The following GINS3 variants were observed in gnomAD, a reference collection of about 807,000 sequenced individuals.
GINS3 encodes DNA replication complex GINS protein PSF3.
GINS3 carries 18 observed loss-of-function variants against 20.0 expected under a neutral mutation model. That is an observed-to-expected ratio of 0.90 (90% confidence interval 0.62 to 1.33). The LOEUF (loss-of-function observed/expected upper bound fraction) is 1.33, where lower values mean the gene tolerates loss of function less well. GINS3 is among the 40% of genes most tolerant of loss of function. The pLI is 0.00. For synonymous variants in GINS3, 109 were observed against 107.0 expected (o/e 1.02, Z -0.12); for missense variants, 254 against 273.6 (o/e 0.93, Z 0.51).
At chr16:58,393,198 G>A (rs1021701884) in intron 1 of GINS3, among the ~76,000 whole-genome samples, 2 of 152,206 alleles carry the variant, frequency 1.3e-5, no homozygotes, top group Admixed American at 1.3e-4. Flanking sequence ...CATGTGATAA[G>A]TAGGAACCCC....
intron 1 of GINS3, among the ~76,000 whole-genome samples, chr16:58,399,897 A>AT (rs1242632342): frequency 6.6e-6 from 1 of 152,132 alleles, no homozygotes; most frequent in African/African-American, 2.4e-5. Flanking sequence ...ACTTAAACCC[A>AT]TTTTTTCTCT....
chr16:58,393,842 A>T lies in GINS3; in HGVS notation c.186+1055A>T, dbSNP rs1051371807. ...AGACTCCATCTCAAAAAAAAAAAAA[A>T]AAAAAGTCAAATAGTACCAAAAGAT... On this transcript the variant is annotated intron_variant, in intron 1 of 2. Coordinates refer to ENST00000318129, the MANE Select transcript of GINS3 (RefSeq NM_022770.4). Among the ~76,000 whole-genome samples, 215 of 152,122 alleles carry T rather than the reference A, an allele frequency of 1.4e-3. 1 individual carries two copies. The highest frequency in any genetic ancestry group is 4.9e-3 in the African/African-American group (205 of 41,524).
rs1160527053 is a variant in GINS3 at position 58,405,018 on chromosome 16, A to AT, written c.*290dup. On this transcript the variant is annotated 3_prime_UTR_variant, in exon 3 of 3. Transcript: ENST00000318129. ...CTTCCTAAATAAGAATCACTGCCAT[A>AT]TAATATATCACAGTAGAGTTGCAAC... The AT allele has an allele frequency of 8.0e-6, 3 of 373,780 alleles. No individual in the cohort carries two copies. The highest frequency in any genetic ancestry group is 6.1e-5 in the African/African-American group (3 of 49,030). 23.2% of individuals were successfully genotyped at this position (373,780 alleles called of 1,614,324 possible). A position where few individuals can be genotyped will look rare whatever the true frequency, so the allele number is the denominator to read the frequency against.
At position 58,403,226 on chromosome 16, in the gene GINS3, T is replaced by A. The variant is rs1567537484; in HGVS notation, c.315T>A (p.Asn105Lys). The change falls in exon 2 of 3, where the codon AAT becomes AAA. Residue 105 changes from asparagine (N) to lysine (K), a missense_variant. Asn to Lys is a moderately conservative substitution (Grantham distance 94, BLOSUM62 0). Transcript: ENST00000318129. ...GGACTGTGTTCAGTGCAGATCCCAA[T>A]GTGGTGGACCTCCACAAAATGGGGC... ...GWRTVFSADPNVVDLHKMGPH... is the reference protein window; with the variant it reads ...GWRTVFSADPKVVDLHKMGPH... 8 of 1,614,160 alleles carry A rather than the reference T, an allele frequency of 5.0e-6. No homozygotes were observed. The highest frequency in any genetic ancestry group is 6.8e-6 in the Non-Finnish European group (8 of 1,180,036).
At chr16:58,394,402 A>G (rs1166015330) in intron 1 of GINS3, among the ~76,000 whole-genome samples, 2 of 152,214 alleles carry the variant, frequency 1.3e-5, no homozygotes, top group East Asian at 3.9e-4. Flanking sequence ...GCCAGAGTGC[A>G]GTGGCATAAT....
chr16:58,393,237 A>G (rs915679568), intron 1 of GINS3, among the ~76,000 whole-genome samples: 1 of 152,182 alleles, frequency 6.6e-6, no homozygotes, highest in Non-Finnish European at 1.5e-5. Flanking sequence ...CTCCATAATG[A>G]TGACAGGATC....
intron 1 of GINS3, among the ~76,000 whole-genome samples, chr16:58,397,761 A>C (rs1965900876): frequency 6.6e-6 from 1 of 152,184 alleles, no homozygotes; most frequent in Non-Finnish European, 1.5e-5. Context: ...GCAGCAGTAC[A>C]GTCCAGCTTC....
rs1235998471 is a variant in GINS3 at position 58,395,335 on chromosome 16, ATAT to A, written c.186+2550_186+2552del. 104 of 150,832 alleles carry A rather than the reference ATAT, an allele frequency of 6.9e-4. 1 individual carries two copies. The highest frequency in any genetic ancestry group is 9.4e-4 in the Non-Finnish European group (78 of 83,108). The allele number at this position is 150,832 out of a possible 1,614,324, so 9.3% of individuals were successfully genotyped here. ...CTGTAATATTTGTATATATATATAT[ATAT>A]TTTTTTTTTAATTGATCATTCTTGG... On this transcript the variant is annotated intron_variant, in intron 1 of 2. Coordinates refer to ENST00000318129, the MANE Select transcript of GINS3 (RefSeq NM_022770.4).
At chr16:58,396,577 A>C (rs1166584696) in intron 1 of GINS3, among the ~76,000 whole-genome samples, 31 of 23,860 alleles carry the variant, frequency 1.3e-3, no homozygotes, top group Admixed American at 3.2e-3. Flanking sequence ...GATCCCCCCC[A>C]CCTCCCTCCC....
chr16:58,396,559 C>G lies in GINS3; in HGVS notation c.186+3772C>G, dbSNP rs1187255029. Among the ~76,000 whole-genome samples, 5 of 30,076 alleles carry G rather than the reference C, an allele frequency of 1.7e-4. 1 individual carries two copies. The highest frequency in any genetic ancestry group is 9.5e-4 in the African/African-American group (5 of 5,270). The allele number at this position is 30,076 out of a possible 152,430, so 19.7% of individuals were successfully genotyped here. ...CTCCCGGACGGGGCGGCTGGTCGGG[C>G]GGGGGCTGATCCCCCCCACCTCCCT... On this transcript the variant is annotated intron_variant, in intron 1 of 2. Transcript: ENST00000318129.
chr16:58,394,934 T>C (rs996348791), intron 1 of GINS3, among the ~76,000 whole-genome samples: 2 of 152,224 alleles, frequency 1.3e-5, no homozygotes, highest in Non-Finnish European at 2.9e-5. Context: ...ATTAAATCTT[T>C]AGAATCCTTC....
At position 58,403,291 on chromosome 16, in the gene GINS3, A is replaced by G. The variant is rs760310861; in HGVS notation, c.380A>G (p.Asp127Gly). Residue 127 changes from aspartate (D) to glycine (G), a missense_variant, in exon 2 of 3, where the codon GAC becomes GGC. Asp to Gly is a moderately conservative substitution (Grantham distance 94, BLOSUM62 -1). Transcript: ENST00000318129. ...TTTGGCTCCCAGCTCCTGCATTTTG[A>G]CAGTCCCGAGAATGCAGACATTTCC... ...YGFGSQLLHF[D>G]SPENADISQS... 1.9e-5 allele frequency: 31 copies of G among 1,613,968 alleles called. No homozygotes were observed. The East Asian group carries it at 6.0e-4, about 31-fold the overall frequency.
In GINS3 at chr16:58,404,501, T is replaced by C; in HGVS notation, c.423T>C (p.Thr141=). ...NADISQSLLQ[T]FIGRFRRIMD... ...TGTCTTACTCCCTTGTTTCCCAGAC[T>C]TTTATCGGACGTTTTCGCCGCATCA... Residue 141 remains threonine, a splice_region_variant and synonymous_variant, in exon 3 of 3, where the codon ACT becomes ACC. Transcript: ENST00000318129. The C allele has an allele frequency of 6.2e-7, 1 of 1,613,294 alleles. No homozygotes were observed.
intron 1 of GINS3, among the ~76,000 whole-genome samples, chr16:58,397,621 A>C (rs1479444594): frequency 6.6e-6 from 1 of 152,130 alleles, no homozygotes; most frequent in Admixed American, 6.5e-5. Context: ...CCCGGCCAAC[A>C]CAGCGAAACC....
rs550488461 is a variant in GINS3, at chr16:58,401,332, A to T, written c.187-1766A>T. Among the ~76,000 whole-genome samples, 8 of 152,098 alleles carry T rather than the reference A, an allele frequency of 5.3e-5. No individual in the cohort carries two copies. The South Asian group carries it at 1.7e-3, about 32-fold the overall frequency. On this transcript the variant is annotated intron_variant, in intron 1 of 2. Transcript: ENST00000318129. ...GTTACAGCTCATGAAGGTAGTGGGGATCCAAAGAGTGAGCAGCCATCAAGA... is the reference window on the plus strand; with the variant it reads ...GTTACAGCTCATGAAGGTAGTGGGGTTCCAAAGAGTGAGCAGCCATCAAGA...
At chr16:58,395,809 C>T (rs1306665629) in intron 1 of GINS3, among the ~76,000 whole-genome samples, 1 of 152,216 alleles carries the variant, frequency 6.6e-6, no homozygotes, top group African/African-American at 2.4e-5. Context: ...CACAAAGCCG[C>T]CATTGTCATC....
chr16:58,397,056 G>A (rs1397254293), intron 1 of GINS3, among the ~76,000 whole-genome samples: 3 of 149,006 alleles, frequency 2.0e-5, no homozygotes, highest in East Asian at 2.0e-4. Context: ...GCGGCTGGCC[G>A]GGCGGGGGGC....
chr16:58,398,012 TTTTA>T (rs1965906608), intron 1 of GINS3, among the ~76,000 whole-genome samples: 1 of 152,164 alleles, frequency 6.6e-6, no homozygotes, highest in East Asian at 1.9e-4. Context: ...CTATCAATTT[TTTTA>T]TTCTTTTAAA....
chr16:58,401,380 C>CAAAG (rs1965951931), intron 1 of GINS3, among the ~76,000 whole-genome samples: 1 of 152,056 alleles, frequency 6.6e-6, no homozygotes, highest in South Asian at 2.1e-4. Context: ...AGCTAAAGAA[C>CAAAG]AAAGCTTCCA....
Sources: gnomAD v4.1 joint callset for allele counts (sites outside exome capture counted in the v4.1 genomes callset) on GRCh38, gnomAD v4.1.1 for gene constraint, MANE v1.5 for transcripts, NCBI Gene and HGNC (gene_info 2026-07-23, HGNC 2026-07-21) for gene names.